GET4: variants seen among roughly 807,000 people sequenced by gnomAD.
GET4 encodes the protein Golgi to ER traffic protein 4 homolog.
A neutral mutation model predicts 40.0 loss-of-function variants in GET4; 20 were observed. The observed-to-expected ratio is 0.50, with a 90% CI of 0.35 to 0.73. The LOEUF (loss-of-function observed/expected upper bound fraction) is 0.73. Among genes scored for constraint, GET4 ranks in the 30% least tolerant of loss-of-function variants. The pLI is 0.01. For synonymous variants in GET4, 280 were observed against 194.6 expected, an observed-to-expected ratio of 1.44 and a Z score of -3.65; for missense variants, 557 against 454.0, an observed-to-expected ratio of 1.23 and a Z score of -2.06.
intron 4 of GET4, among the ~76,000 whole-genome samples, chr7:888,635 C>A (rs552817917): frequency 6.6e-6 from 1 of 152,250 alleles, no homozygotes; most frequent in South Asian, 2.1e-4. Context: ...TCAGTCTCCC[C>A]GTGGTCGCCT....
chr7:884,110 T>G, intron 1 of GET4: 4 of 1,204,624 alleles, frequency 3.3e-6, no homozygotes, highest in Non-Finnish European at 4.2e-6. Context: ...GGTTTCTAAG[T>G]CGCCACCTCT....
intron 8 of GET4, 81 bp from the exon 9 acceptor site, chr7:895,253 T>G: frequency 2.9e-6 from 2 of 699,422 alleles, no homozygotes; most frequent in South Asian, 1.7e-5. Flanking sequence ...GGACACCTTG[T>G]GAGACGTTTG....
At position 887,392 on chromosome 7, in the gene GET4, C is replaced by A; in HGVS notation, c.339C>A (p.Ser113Arg). ...ELLENLAKVF[S>R]LMDPNSPERV... The stretch of plus-strand genomic sequence containing the variant: ...CAGAAAATCTGGCTAAAGTGTTCAG[C>A]CTGATGGACCCCAACTCTCCTGAGC... The change falls in exon 4 of 9, where the codon AGC becomes AGA. Residue 113 changes from serine to arginine, a missense_variant. Transcript: ENST00000265857. 2 of 1,595,208 alleles carry A rather than the reference C, an allele frequency of 1.3e-6. No homozygotes were observed. Among genetic ancestry groups the A allele is most frequent in the South Asian group, 1.1e-5 (1 of 89,072 alleles).
chr7:882,648 C>T (rs112548158), intron 1 of GET4: 2 of 151,710 alleles, frequency 1.3e-5, no homozygotes, highest in Admixed American at 1.3e-4. Flanking sequence ...CCGACCTTGC[C>T]CCGGGGATGG....
intron 8 of GET4, among the ~76,000 whole-genome samples, chr7:894,454 GTTTA>G (rs1035231852): frequency 3.3e-5 from 5 of 152,194 alleles, no homozygotes; most frequent in African/African-American, 7.2e-5. Flanking sequence ...ACCTGTCTGG[GTTTA>G]TTTTAGTGGG....
chr7:894,643 C>G (rs1844430858), intron 8 of GET4, among the ~76,000 whole-genome samples: 1 of 152,238 alleles, frequency 6.6e-6, no homozygotes, highest in Non-Finnish European at 1.5e-5. Flanking sequence ...TTCTGACTCT[C>G]CAGTCGAAAC....
chr7:883,648 C>T (rs1451145284), intron 1 of GET4: 29 of 985,374 alleles, frequency 2.9e-5, no homozygotes, highest in African/African-American at 5.2e-5. Flanking sequence ...CCACATGGCA[C>T]GGCCAATAGT....
At chr7:889,674 G>A (rs1429642409) in intron 4 of GET4, among the ~76,000 whole-genome samples, 1 of 148,402 alleles carries the variant, frequency 6.7e-6, no homozygotes, top group Non-Finnish European at 1.5e-5. Flanking sequence ...GTTAGGACGG[G>A]GTCTGGGGCG....
At chr7:887,587 C>T in intron 4 of GET4, 68 bp downstream of exon 4, 3 of 1,247,076 alleles carry the variant, frequency 2.4e-6, no homozygotes, top group Non-Finnish European at 3.2e-6. Context: ...CTGTGCGTTC[C>T]AATACATCAG....
chr7:887,550 C>G (rs779475160), intron 4 of GET4, 31 bp downstream of exon 4: 24 of 1,479,026 alleles, frequency 1.6e-5, no homozygotes, highest in African/African-American at 7.0e-5. Context: ...GGCGTGGGCA[C>G]CTCTCTGCTC....
Position 891,939 on chromosome 7 carries a change from C to T in GET4, c.606-339C>T, listed in dbSNP as rs140254524. 2.7e-3 allele frequency among the ~76,000 whole-genome samples: 417 copies of T among 152,388 alleles called. 2 individuals carry two copies. The highest frequency in any genetic ancestry group is 8.9e-3 in the African/African-American group (372 of 41,588). ...GCACCCACCAGCTGCTGGGCCATGG[C>T]GGAGTGTTCTGGTGCGGGCCAGCGC... On this transcript the variant is annotated intron_variant, in intron 5 of 8. Transcript: ENST00000265857.
At chr7:890,826 G>T in intron 4 of GET4, 102 bp from the exon 5 acceptor site, 1 of 934,106 alleles carries the variant, frequency 1.1e-6, no homozygotes. Flanking sequence ...CTCCTCCAGG[G>T]CGGGCAGGTG....
intron 6 of GET4, among the ~76,000 whole-genome samples, chr7:893,108 C>G (rs527952236): frequency 8.9e-6 from 1 of 112,992 alleles, no homozygotes; most frequent in African/African-American, 3.5e-5. Flanking sequence ...GTGATGTGTG[C>G]AGGCAAGTGT....
At position 891,088 on chromosome 7, in the gene GET4, G is replaced by A. The variant is rs113470707; in HGVS notation, c.605+22G>A. On this transcript the variant is annotated intron_variant, in intron 5 of 8. Transcript: ENST00000265857. ...TACAGTAGGTGTCTGTGGCTCTTCGGGTCTCGGCTTCCATTGCTGCCTTGG... is the reference window on the plus strand; with the variant it reads ...TACAGTAGGTGTCTGTGGCTCTTCGAGTCTCGGCTTCCATTGCTGCCTTGG... The A allele has an allele frequency of 3.0e-5, 47 of 1,562,030 alleles. No homozygotes were observed. In the African/African-American group the frequency reaches 3.7e-4, roughly 12 times the overall value.
rs773640446 is a variant in GET4 at position 893,985 on chromosome 7, C to G, written c.895+14C>G. The G allele has an allele frequency of 9.6e-6, 15 of 1,561,268 alleles. No individual in the cohort carries two copies. The South Asian group carries it at 1.7e-4, about 17-fold the overall frequency. ...GGGGCCTGCTCGGTAAGCCGGGGCG[C>G]CCTTGTCACACCCACTCCAGCCCTG... On this transcript the variant is annotated intron_variant, in intron 8 of 8. Coordinates refer to ENST00000265857, the MANE Select transcript of GET4 (RefSeq NM_015949.3).
chr7:887,281 G>A (rs1279252859), intron 3 of GET4, 89 bp from the exon 4 acceptor site: 2 of 1,321,352 alleles, frequency 1.5e-6, no homozygotes, highest in Non-Finnish European at 1.1e-6. Context: ...TTAAGTAGTT[G>A]CGAATGGAAA....
At chr7:888,279 C>G (rs1021507909) in intron 4 of GET4, among the ~76,000 whole-genome samples, 1 of 152,228 alleles carries the variant, frequency 6.6e-6, no homozygotes, top group African/African-American at 2.4e-5. Context: ...AACAGCTCCT[C>G]CTAGACACAG....
At chr7:877,700 C>G (rs1300757364) in intron 1 of GET4, among the ~76,000 whole-genome samples, 2 of 120,536 alleles carry the variant, frequency 1.7e-5, no homozygotes, top group Admixed American at 1.6e-4. Context: ...CCCAGATCTC[C>G]CTGCCCGGCC....
intron 1 of GET4, chr7:884,364 G>A (rs1423099154): frequency 7.7e-7 from 1 of 1,302,844 alleles, no homozygotes; most frequent in South Asian, 1.2e-5. Flanking sequence ...AGAGTCAGTG[G>A]TCCTGTCGAG....
Sources: gnomAD v4.1 joint callset for allele counts (sites outside exome capture counted in the v4.1 genomes callset) on GRCh38, gnomAD v4.1.1 for gene constraint, MANE v1.5 for transcripts, NCBI Gene and HGNC (gene_info 2026-07-23, HGNC 2026-07-21) for gene names.